The following ELFN2 variants were observed in gnomAD, a reference collection of about 807,000 sequenced individuals.
ELFN2 encodes protein phosphatase 1 regulatory subunit 29.
Under a neutral mutation model 45.5 loss-of-function variants are expected in ELFN2, and 17 were observed. The observed-to-expected ratio is 0.37, with a 90% CI of 0.26 to 0.56. The LOEUF is 0.56. Among genes scored for constraint, ELFN2 ranks in the 20% least tolerant of loss-of-function variants. ELFN2 has a pLI of 0.77. For missense variants in ELFN2, 922 were observed against 1,183.2 expected (o/e 0.78, Z 3.24); for synonymous variants, 550 against 551.5 (o/e 1.00, Z 0.04).
intron 2 of ELFN2, among the ~76,000 whole-genome samples, chr22:37,393,710 C>T (rs144900024): frequency 6.6e-6 from 1 of 152,298 alleles, no homozygotes; most frequent in East Asian, 1.9e-4. Flanking sequence ...GCTCTGCACC[C>T]AGGCCTCGCT....
Position 37,373,161 on chromosome 22 carries a change from G to A in ELFN2, c.2374C>T (p.Leu792=). The A allele has an allele frequency of 6.2e-7, 1 of 1,613,820 alleles. No homozygotes were observed. The part of the protein sequence containing the change: ...EEVYMAAGHA[L]RKKVQFAKDE... ...TTGGCGAACTGGACCTTCTTGCGCA[G>A]GGCGTGACCGGCGGCCATGTACACC... The change falls in exon 3 of 3, where the codon CTG becomes TTG. Residue 792 remains leucine, a synonymous_variant. Transcript: ENST00000402918.
At chr22:37,421,112 A>G (rs1932806091) in intron 1 of ELFN2, among the ~76,000 whole-genome samples, 3 of 152,170 alleles carry the variant, frequency 2.0e-5, no homozygotes, top group African/African-American at 7.2e-5. Context: ...CCTGACAAAA[A>G]GGATATTACT....
chr22:37,403,274 C>T (rs1185670628), intron 2 of ELFN2, among the ~76,000 whole-genome samples: 2 of 151,796 alleles, frequency 1.3e-5, no homozygotes, highest in African/African-American at 4.8e-5. Flanking sequence ...TGCCCAAGGT[C>T]CCACCAAGCC....
At chr22:37,362,615 G>A (rs1043851263) in intron 1 of ELFN2, among the ~76,000 whole-genome samples, 6 of 152,218 alleles carry the variant, frequency 3.9e-5, no homozygotes, top group East Asian at 1.9e-4. Context: ...GACCTCCAGG[G>A]GAACAGGCAA....
intron 2 of ELFN2, among the ~76,000 whole-genome samples, chr22:37,409,714 G>C (rs938271602): frequency 3.9e-5 from 6 of 152,216 alleles, no homozygotes; most frequent in African/African-American, 1.4e-4. Context: ...ACTCACAACA[G>C]GGAAATGTCC....
intron 1 of ELFN2, among the ~76,000 whole-genome samples, chr22:37,418,679 C>A (rs1216630481): frequency 6.6e-6 from 1 of 151,982 alleles, no homozygotes; most frequent in Admixed American, 6.5e-5. Flanking sequence ...GCCGCCCAAC[C>A]CCATCGTCAG....
intron 1 of ELFN2, among the ~76,000 whole-genome samples, chr22:37,420,120 A>G (rs1932798091): frequency 6.6e-6 from 1 of 152,036 alleles, no homozygotes; most frequent in South Asian, 2.1e-4. Flanking sequence ...AGAGCCGCGG[A>G]CGGCGGAGGA....
At chr22:37,347,641 AACACACACACACACACAC>A (rs55967141) in intron 1 of ELFN2, among the ~76,000 whole-genome samples, 9 of 146,676 alleles carry the variant, frequency 6.1e-5, no homozygotes, top group South Asian at 2.2e-4. Flanking sequence ...TGGGTGGCAG[AACACACACACACACACAC>A]ACACACACAC....
chr22:37,342,887 A>G (rs933107303), intron 1 of ELFN2, among the ~76,000 whole-genome samples: 3 of 152,130 alleles, frequency 2.0e-5, no homozygotes, highest in Non-Finnish European at 4.4e-5. Flanking sequence ...ATCTGTTTCA[A>G]GCCCCCATTC....
Position 37,373,945 on chromosome 22 carries a change from C to A in ELFN2, c.1590G>T (p.Ser530=), listed in dbSNP as rs372178445. ...DLPDLENGQG[S]AAEISTIAKE... ...TGGCAATGGTGGAGATCTCTGCAGC[C>A]GAGCCCTGGCCGTTCTCGAGGTCCG... The change falls in exon 3 of 3, where the codon TCG becomes TCT. Residue 530 remains serine, a synonymous_variant. Transcript: ENST00000402918. The A allele has an allele frequency of 4.3e-6, 7 of 1,612,812 alleles. No homozygotes were observed. In the Admixed American group the frequency reaches 1.0e-4, roughly 23 times the overall value.
intron 1 of ELFN2, chr22:37,354,210 C>T (rs964546078): frequency 2.0e-5 from 3 of 152,218 alleles, no homozygotes; most frequent in Admixed American, 2.0e-4. Flanking sequence ...ACAGCAGTTC[C>T]CCTCGCAGCC....
At chr22:37,401,632 C>T (rs2145671808) in intron 2 of ELFN2, among the ~76,000 whole-genome samples, 1 of 152,328 alleles carries the variant, frequency 6.6e-6, no homozygotes, top group South Asian at 2.1e-4. Flanking sequence ...CCAAACAAAC[C>T]ATCCCTGCAC....
At chr22:37,401,658 C>T (rs978452346) in intron 2 of ELFN2, among the ~76,000 whole-genome samples, 3 of 152,310 alleles carry the variant, frequency 2.0e-5, no homozygotes, top group East Asian at 1.9e-4. Context: ...CTGCCTAATG[C>T]GAGCCTGGGG....
downstream of ELFN2, among the ~76,000 whole-genome samples, chr22:37,367,062 C>G (rs954421381): frequency 4.6e-5 from 7 of 152,374 alleles, no homozygotes; most frequent in Non-Finnish European, 8.8e-5. Flanking sequence ...GGGAATAGCT[C>G]AGACCCACAG....
At chr22:37,415,487 A>G (rs997425317) in intron 2 of ELFN2, among the ~76,000 whole-genome samples, 1 of 152,198 alleles carries the variant, frequency 6.6e-6, no homozygotes, top group African/African-American at 2.4e-5. Flanking sequence ...TGGCTCAGCC[A>G]CCAGGGTACT....
intron 2 of ELFN2, among the ~76,000 whole-genome samples, chr22:37,387,880 G>A (rs962375517): frequency 3.3e-5 from 5 of 151,334 alleles, no homozygotes; most frequent in East Asian, 2.0e-4. Context: ...AGCTGCCTCC[G>A]GGGCCCTTCC....
At chr22:37,350,353 G>A (rs1328661151) in intron 1 of ELFN2, among the ~76,000 whole-genome samples, 1 of 142,000 alleles carries the variant, frequency 7.0e-6, no homozygotes, top group Non-Finnish European at 1.6e-5. Context: ...AGCCTGAGAA[G>A]GTCCCTCTGG....
chr22:37,385,663 T>C (rs1931928616), intron 2 of ELFN2, among the ~76,000 whole-genome samples: 1 of 152,174 alleles, frequency 6.6e-6, no homozygotes. Context: ...TGGGGACACG[T>C]AGAAACCCAG....
intron 1 of ELFN2, among the ~76,000 whole-genome samples, chr22:37,359,284 G>A (rs927723645): frequency 5.3e-5 from 8 of 152,136 alleles, no homozygotes; most frequent in South Asian, 2.1e-4. Flanking sequence ...GTGTGAGGTC[G>A]CTGTCACTGA....
Sources: allele counts gnomAD v4.1 joint callset (sites outside exome capture counted in the v4.1 genomes callset), GRCh38; gene constraint gnomAD v4.1.1; transcripts MANE v1.5; gene names NCBI Gene and HGNC (gene_info 2026-07-23, HGNC 2026-07-21).